Variants in CDH4 observed in about 807,000 individuals in gnomAD.
CDH4 encodes cadherin-4.
A neutral mutation model predicts 86.0 loss-of-function variants in CDH4; 33 were observed. The observed-to-expected ratio is 0.38, with a 90% confidence interval of 0.29 to 0.51. The LOEUF (loss-of-function observed/expected upper bound fraction) is 0.51. CDH4 is among the 20% of genes least tolerant of loss of function. The pLI, the probability that CDH4 is intolerant of heterozygous loss-of-function variation, is 0.86. For synonymous variants in CDH4, 555 were observed against 549.4 expected (o/e 1.01, Z -0.14); for missense variants, 1,114 against 1,307.4 (o/e 0.85, Z 2.28).
At chr20:61,353,672 C>CCCT (rs1568810371) in intron 2 of CDH4, among the ~76,000 whole-genome samples, 1 of 21,544 alleles carries the variant, frequency 4.6e-5, no homozygotes, top group South Asian at 2.2e-3. Context: ...CTCCTCTTCC[C>CCCT]CCTCCTCCTC....
intron 2 of CDH4, among the ~76,000 whole-genome samples, chr20:61,687,209 G>T (rs533478893): frequency 6.6e-6 from 1 of 152,160 alleles, no homozygotes; most frequent in Non-Finnish European, 1.5e-5. Context: ...CTCCTCTCCC[G>T]CTCCACAGCC....
At chr20:61,661,089 G>GGGT (rs1555821310) in intron 2 of CDH4, among the ~76,000 whole-genome samples, 1 of 140,330 alleles carries the variant, frequency 7.1e-6, no homozygotes, top group East Asian at 2.0e-4. Flanking sequence ...CATGGCGGGG[G>GGGT]GGGGGGAGAC....
chr20:61,759,425 C>T (rs1310790576), intron 3 of CDH4, among the ~76,000 whole-genome samples: 1 of 152,272 alleles, frequency 6.6e-6, no homozygotes, highest in East Asian at 1.9e-4. Context: ...TCCATGAAGC[C>T]GGAGGTCCCC....
chr20:61,920,117 G>GATA (rs2054957836), intron 9 of CDH4, among the ~76,000 whole-genome samples: 1 of 148,724 alleles, frequency 6.7e-6, no homozygotes. Flanking sequence ...TTGGAAGCGT[G>GATA]TCACGGTGAT....
At chr20:61,653,593 T>A (rs564800423) in intron 2 of CDH4, among the ~76,000 whole-genome samples, 3,182 of 133,970 alleles carry the variant, frequency 0.024, 162 homozygotes, top group African/African-American at 0.082. Context: ...CCGGACGGGG[T>A]GGCTGCCGGG....
intron 2 of CDH4, among the ~76,000 whole-genome samples, chr20:61,667,497 C>G (rs1487757551): frequency 1.3e-5 from 2 of 152,246 alleles, no homozygotes; most frequent in East Asian, 3.8e-4. Flanking sequence ...AAACCTGTTT[C>G]CAGAGAGGGT....
chr20:61,438,363 T>C (rs1192016631), intron 2 of CDH4, among the ~76,000 whole-genome samples: 2 of 152,240 alleles, frequency 1.3e-5, no homozygotes, highest in Admixed American at 6.5e-5. Context: ...GTGTGTTTTT[T>C]CTAAAGAAGC....
At chr20:61,330,670 C>T (rs1023088698) in intron 2 of CDH4, among the ~76,000 whole-genome samples, 2 of 152,224 alleles carry the variant, frequency 1.3e-5, no homozygotes, top group Non-Finnish European at 2.9e-5. Context: ...CAGGATGGCC[C>T]TCATTCCCAC....
At chr20:61,565,822 C>T (rs77020796) in intron 2 of CDH4, among the ~76,000 whole-genome samples, 1 of 152,212 alleles carries the variant, frequency 6.6e-6, no homozygotes, top group Non-Finnish European at 1.5e-5. Context: ...CAGGAGCCAG[C>T]CGAGGCTACA....
chr20:61,691,581 G>A (rs374416885), intron 2 of CDH4, among the ~76,000 whole-genome samples: 5 of 152,160 alleles, frequency 3.3e-5, no homozygotes, highest in African/African-American at 1.2e-4. Context: ...TTTCATCACC[G>A]TACAAACATC....
chr20:61,498,785 G>A (rs189976182), intron 2 of CDH4, among the ~76,000 whole-genome samples: 17 of 152,254 alleles, frequency 1.1e-4, no homozygotes, highest in Admixed American at 7.2e-4. Context: ...ATCTCATAAC[G>A]TTTTAAGAAA....
intron 4 of CDH4, among the ~76,000 whole-genome samples, chr20:61,828,671 C>A (rs1244792865): frequency 1.3e-5 from 2 of 152,236 alleles, no homozygotes; most frequent in African/African-American, 4.8e-5. Context: ...GGGAGTCCTG[C>A]AGGCTTGGCT....
At chr20:61,410,344 A>G (rs2085110806) in intron 2 of CDH4, among the ~76,000 whole-genome samples, 1 of 151,884 alleles carries the variant, frequency 6.6e-6, no homozygotes, top group Non-Finnish European at 1.5e-5. Context: ...TCTGTCCATC[A>G]TCTTCCATTC....
chr20:61,531,574 A>G (rs1182826891), intron 2 of CDH4, among the ~76,000 whole-genome samples: 1 of 152,208 alleles, frequency 6.6e-6, no homozygotes, highest in African/African-American at 2.4e-5. Flanking sequence ...TGTGTGGCAC[A>G]TGAGGATGTG....
intron 2 of CDH4, among the ~76,000 whole-genome samples, chr20:61,343,107 T>G (rs968701890): frequency 6.6e-6 from 1 of 152,222 alleles, no homozygotes; most frequent in African/African-American, 2.4e-5. Flanking sequence ...CCTCATGGTG[T>G]CATTTCAAAG....
chr20:61,338,944 A>G (rs559597856), intron 2 of CDH4, among the ~76,000 whole-genome samples: 67 of 152,274 alleles, frequency 4.4e-4, no homozygotes, highest in African/African-American at 1.4e-3. Flanking sequence ...ATTCTTCATC[A>G]TGGCAAAAAC....
At chr20:61,364,817 T>C (rs989531760) in intron 2 of CDH4, among the ~76,000 whole-genome samples, 2 of 152,196 alleles carry the variant, frequency 1.3e-5, no homozygotes, top group Non-Finnish European at 2.9e-5. Context: ...TTAGAAGAGT[T>C]GCAAGATCCC....
intron 2 of CDH4, among the ~76,000 whole-genome samples, chr20:61,329,767 G>C (rs1568800250): frequency 6.6e-6 from 1 of 152,258 alleles, no homozygotes; most frequent in South Asian, 2.1e-4. Flanking sequence ...TGCCGTGGTG[G>C]TTTGCTGCAC....
intron 2 of CDH4, among the ~76,000 whole-genome samples, chr20:61,463,657 A>G (rs894988681): frequency 4.6e-5 from 7 of 152,192 alleles, no homozygotes; most frequent in African/African-American, 7.2e-5. Context: ...ATCCCATCCT[A>G]TGTAAGCCAC....
Sources: gnomAD v4.1 joint callset for allele counts (sites outside exome capture counted in the v4.1 genomes callset) on GRCh38, gnomAD v4.1.1 for gene constraint, MANE v1.5 for transcripts, NCBI Gene and HGNC (gene_info 2026-07-23, HGNC 2026-07-21) for gene names.